The following INTS2 variants were observed in gnomAD, a reference collection of about 807,000 sequenced individuals.
INTS2 encodes the protein integrator complex subunit 2.
In INTS2, 57 loss-of-function variants were observed where a neutral mutation model predicts 139.6. The ratio of observed to expected loss-of-function variants is 0.41; its 90% CI spans 0.33 to 0.51. The LOEUF (loss-of-function observed/expected upper bound fraction) is 0.51. INTS2 is among the 20% of genes least tolerant of loss of function. The pLI is 0.28. For missense variants in INTS2, 1,196 were observed against 1,436.7 expected (o/e 0.83, Z 2.71); for synonymous variants, 473 against 493.4 (o/e 0.96, Z 0.55).
At chr17:61,892,941 G>A (rs942242073) in intron 13 of INTS2, among the ~76,000 whole-genome samples, 4 of 127,954 alleles carry the variant, frequency 3.1e-5, no homozygotes, top group Non-Finnish European at 4.8e-5. Flanking sequence ...GCAACAAAGT[G>A]AGACTCCATC....
chr17:61,907,339 C>T, intron 8 of INTS2, 69 bp downstream of exon 8: 2 of 1,338,264 alleles, frequency 1.5e-6, no homozygotes, highest in South Asian at 1.3e-5. Context: ...AGGCCTTTGG[C>T]TCACTTTCTT....
intron 5 of INTS2, among the ~76,000 whole-genome samples, chr17:61,914,118 G>A (rs1204670449): frequency 1.3e-5 from 2 of 150,594 alleles, no homozygotes; most frequent in Non-Finnish European, 3.0e-5. Context: ...AATGAAGACC[G>A]AACTATACCT....
chr17:61,918,202 T>C (rs1207039707), intron 5 of INTS2, among the ~76,000 whole-genome samples: 1 of 152,232 alleles, frequency 6.6e-6, no homozygotes, highest in Non-Finnish European at 1.5e-5. Flanking sequence ...CAGGGAACTA[T>C]TACACTATCA....
In INTS2 at chr17:61,897,294, G is replaced by T. The variant is rs551782487; in HGVS notation, c.1494+175C>A. ...TGTGCTTTCCAAGGTTTTTGCATGA[G>T]TATCTATTATTTTAGTAAATACAGG... On this transcript the variant is annotated intron_variant, in intron 11 of 24. Coordinates refer to ENST00000251334, the MANE Select transcript of INTS2 (RefSeq NM_001351695.2). This position sits in a 1 kb window ranked among gnomAD's most constrained non-coding sequence, Gnocchi z 4.4. Among the ~76,000 whole-genome samples the T allele has an allele frequency of 3.3e-5, 5 of 152,154 alleles. No individual in the cohort carries two copies. The South Asian group carries it at 8.3e-4, about 25-fold the overall frequency.
At chr17:61,920,538 G>T (rs1340084929) in intron 4 of INTS2, among the ~76,000 whole-genome samples, 1 of 140,012 alleles carries the variant, frequency 7.1e-6, no homozygotes, top group Non-Finnish European at 1.5e-5. Context: ...AGGCACAGTG[G>T]CTTATGCCTA....
At chr17:61,906,913 G>T (rs1232555753) in intron 8 of INTS2, among the ~76,000 whole-genome samples, 3 of 120,162 alleles carry the variant, frequency 2.5e-5, no homozygotes, top group Non-Finnish European at 1.6e-5. Context: ...ACAGTGAGCC[G>T]AGATCACACC....
Position 61,891,522 on chromosome 17 carries a change from T to G in INTS2, c.1866A>C (p.Gly622=). ...AGAACCACTATTTTACCCCAATGACTCCTTGGAAAATATTGAGTATCTCCT... is the reference window on the plus strand; with the variant it reads ...AGAACCACTATTTTACCCCAATGACGCCTTGGAAAATATTGAGTATCTCCT... The part of the protein sequence containing the change: ...TEQEILNIFQ[G]VIGGDNIRLN... The change falls in exon 14 of 25, where the codon GGA becomes GGC. Residue 622 remains glycine (G), a synonymous_variant. Coordinates refer to ENST00000251334, the MANE Select transcript of INTS2 (RefSeq NM_001351695.2). The G allele has an allele frequency of 1.2e-6, 2 of 1,612,626 alleles. No individual in the cohort carries two copies. Among genetic ancestry groups the G allele is most frequent in the Non-Finnish European group, 1.7e-6 (2 of 1,179,176 alleles).
At chr17:61,924,017 C>T (rs2079681286) in intron 3 of INTS2, among the ~76,000 whole-genome samples, 1 of 152,158 alleles carries the variant, frequency 6.6e-6, no homozygotes, top group Non-Finnish European at 1.5e-5. Flanking sequence ...TTTCAATTAA[C>T]TATATTACCC....
chr17:61,905,509 TAG>T (rs1334842435), intron 8 of INTS2, among the ~76,000 whole-genome samples: 2 of 152,082 alleles, frequency 1.3e-5, no homozygotes, highest in Non-Finnish European at 2.9e-5. Context: ...GTATTTTTAG[TAG>T]AGAGAGGGTT....
Position 61,897,131 on chromosome 17 carries a change from T to G in INTS2, c.1494+338A>C, listed in dbSNP as rs759220660. Among the ~76,000 whole-genome samples, 1 of 152,126 alleles carries G rather than the reference T, an allele frequency of 6.6e-6. No individual in the cohort carries two copies. The highest frequency in any genetic ancestry group is 1.5e-5 in the Non-Finnish European group (1 of 67,990). ...GTATTATAATATTTATTGATATGAG[T>G]AAATGCTCATCATATATTAATTTTT... On this transcript the variant is annotated intron_variant, in intron 11 of 24. Coordinates refer to ENST00000251334, the MANE Select transcript of INTS2 (RefSeq NM_001351695.2). The surrounding 1 kb of genome is among the most constrained non-coding windows in gnomAD (Gnocchi z 4.4).
At chr17:61,881,218 C>A (rs1486996522) in intron 16 of INTS2, 47 bp from the exon 17 acceptor site, 2 of 1,447,148 alleles carry the variant, frequency 1.4e-6, no homozygotes, top group Admixed American at 1.9e-5. Flanking sequence ...GCTCAAACAC[C>A]AGAAGCTTCC....
chr17:61,898,836 ACTC>A (rs1235340977), intron 9 of INTS2, among the ~76,000 whole-genome samples: 1 of 150,564 alleles, frequency 6.6e-6, no homozygotes, highest in Non-Finnish European at 1.5e-5. Flanking sequence ...TTGGTCTTGA[ACTC>A]CTGATTTCAG....
At chr17:61,927,580 G>A (rs1034670529) in intron 1 of INTS2, 74 bp downstream of exon 1, 11 of 1,146,348 alleles carry the variant, frequency 9.6e-6, no homozygotes, top group Non-Finnish European at 1.1e-5. Flanking sequence ...AGTCCCTCAG[G>A]CTGAGCAAAG....
intron 9 of INTS2, among the ~76,000 whole-genome samples, chr17:61,900,640 T>C (rs1400267531): frequency 1.3e-5 from 2 of 152,228 alleles, no homozygotes; most frequent in Admixed American, 6.5e-5. Context: ...GGTTCTAATA[T>C]GCTTTTTCAT....
rs546500154 is a variant in INTS2 at position 61,882,540 on chromosome 17, C to A, written c.2090-1369G>T. 5.9e-5 allele frequency among the ~76,000 whole-genome samples: 9 copies of A among 152,184 alleles called. No homozygotes were observed. Among genetic ancestry groups the A allele is most frequent in the African/African-American group, 2.2e-4 (9 of 41,534 alleles). ...GGCCAGGAGTTGGAGACCAGCCTGG[C>A]CAACATGGGGAAATCCTGTCTCTAC... On this transcript the variant is annotated intron_variant, in intron 16 of 24. Transcript: ENST00000251334. This position sits in a 1 kb window ranked among gnomAD's most constrained non-coding sequence, Gnocchi z 4.7.
chr17:61,920,180 C>CTTT lies in INTS2; in HGVS notation c.536-670_536-668dup, dbSNP rs772038233. On this transcript the variant is annotated intron_variant, in intron 4 of 24. Coordinates refer to ENST00000251334, the MANE Select transcript of INTS2 (RefSeq NM_001351695.2). ...GTTATTTTCACGAAAATCTTATTTG[C>CTTT]TTTTTTTTTTTTTTTTTTGCGACGA... Among the ~76,000 whole-genome samples the CTTT allele has an allele frequency of 2.1e-3, 248 of 119,132 alleles. 5 individuals are homozygous for CTTT. Among genetic ancestry groups the CTTT allele is most frequent in the East Asian group, 5.2e-3 (21 of 4,002 alleles). The allele number at this position is 119,132 out of a possible 152,430, so 78.2% of individuals were successfully genotyped here.
At chr17:61,895,445 G>A in intron 11 of INTS2, 62 bp from the exon 12 acceptor site, 1 of 980,098 alleles carries the variant, frequency 1.0e-6, no homozygotes, top group Non-Finnish European at 1.5e-6. Flanking sequence ...TTTATTCTAG[G>A]GAACTTATCT....
Position 61,866,899 on chromosome 17 carries a change from A to G in INTS2, c.*658T>C, listed in dbSNP as rs2079050376. ...TATCTCTTTAAACATATGGCTTCATATATTAATAAAAATTGAAGCAAATAT... is the reference window on the plus strand; with the variant it reads ...TATCTCTTTAAACATATGGCTTCATGTATTAATAAAAATTGAAGCAAATAT... On this transcript the variant is annotated 3_prime_UTR_variant, in exon 25 of 25. Coordinates refer to ENST00000251334, the MANE Select transcript of INTS2 (RefSeq NM_001351695.2). 1 of 152,230 alleles carries G rather than the reference A, an allele frequency of 6.6e-6. No homozygotes were observed. The highest frequency in any genetic ancestry group is 2.1e-4 in the South Asian group (1 of 4,834). The allele number at this position is 152,230 out of a possible 1,614,324, so 9.4% of individuals were successfully genotyped here.
chr17:61,877,467 A>T (rs2145907464), intron 18 of INTS2, among the ~76,000 whole-genome samples: 1 of 152,278 alleles, frequency 6.6e-6, no homozygotes, highest in Admixed American at 6.5e-5. Context: ...AAAAGTACTG[A>T]CGCCTGACTC....
Sources: allele counts gnomAD v4.1 joint callset (sites outside exome capture counted in the v4.1 genomes callset), GRCh38; gene constraint gnomAD v4.1.1; non-coding constraint Gnocchi (gnomAD v3.1); transcripts MANE v1.5; gene names NCBI Gene and HGNC (gene_info 2026-07-23, HGNC 2026-07-21).